The following BLNK variants were observed in gnomAD, a reference collection of about 807,000 sequenced individuals.
BLNK encodes B-cell linker protein.
BLNK carries 29 observed loss-of-function variants against 73.5 expected under a neutral mutation model. The ratio of observed to expected loss-of-function variants is 0.39; its 90% CI spans 0.29 to 0.54. The LOEUF is 0.54. BLNK is among the 20% of genes least tolerant of loss of function. BLNK has a pLI of 0.61. For synonymous variants in BLNK, 176 were observed against 200.8 expected, an observed-to-expected ratio of 0.88 and a Z score of 1.04; for missense variants, 460 against 562.8, an observed-to-expected ratio of 0.82 and a Z score of 1.85.
At chr10:96,215,565 G>A (rs1327260833) in intron 7 of BLNK, among the ~76,000 whole-genome samples, 176 bp from the exon 8 acceptor site, 1 of 152,140 alleles carries the variant, frequency 6.6e-6, no homozygotes, top group Non-Finnish European at 1.5e-5. Flanking sequence ...AGTCTTCTTA[G>A]AAGAAACATC....
In BLNK at chr10:96,190,082, C is replaced by T. The variant is rs1208204461; in HGVS notation, c.*1891G>A. ...TCCTTTGCACCAGCCCCTAAACTGA[C>T]CGTTCTTAAGGATAACTGGTGCTCA... is the stretch of plus-strand genomic sequence containing the variant. On this transcript the variant is annotated 3_prime_UTR_variant, in exon 17 of 17. Coordinates refer to ENST00000224337, the MANE Select transcript of BLNK (RefSeq NM_013314.4). The T allele has an allele frequency of 1.8e-5, 16 of 869,062 alleles. No homozygotes were observed. The East Asian group carries it at 3.6e-4, about 20-fold the overall frequency. 53.8% of individuals were successfully genotyped at this position (869,062 alleles called of 1,614,324 possible). A position where few individuals can be genotyped will look rare whatever the true frequency, so the allele number is the denominator to read the frequency against.
intron 1 of BLNK, among the ~76,000 whole-genome samples, chr10:96,247,352 G>A (rs1554907898): frequency 1.3e-5 from 2 of 152,142 alleles, no homozygotes; most frequent in African/African-American, 2.4e-5. Flanking sequence ...GAGCATCTAC[G>A]TTACGAAGAT....
At chr10:96,229,002 A>G (rs1842388671) in intron 4 of BLNK, among the ~76,000 whole-genome samples, 1 of 152,184 alleles carries the variant, frequency 6.6e-6, no homozygotes, top group African/African-American at 2.4e-5. Context: ...GATATTTTGA[A>G]ACAGGCATAC....
intron 8 of BLNK, among the ~76,000 whole-genome samples, chr10:96,212,959 G>A (rs1564822645): frequency 6.6e-6 from 1 of 152,156 alleles, no homozygotes. Context: ...CCACCTGTAT[G>A]TGATAATCAC....
intron 1 of BLNK, among the ~76,000 whole-genome samples, chr10:96,247,570 T>G (rs7919557): frequency 0.88 from 133,935 of 152,182 alleles, 59,746 homozygotes; most frequent in Non-Finnish European, 0.94. Flanking sequence ...GGGTCTGGAG[T>G]CAGGGAACCT....
At chr10:96,260,848 CTTT>C (rs112579082) in intron 1 of BLNK, among the ~76,000 whole-genome samples, 2 of 145,526 alleles carry the variant, frequency 1.4e-5, no homozygotes, top group Non-Finnish European at 1.5e-5. Context: ...GAAGCAATAT[CTTT>C]TTTTTTTTTT....
intron 3 of BLNK, among the ~76,000 whole-genome samples, chr10:96,238,146 C>T (rs1214090212): frequency 6.6e-6 from 1 of 152,238 alleles, no homozygotes; most frequent in African/African-American, 2.4e-5. Flanking sequence ...AGGCTCCACA[C>T]TGGCCTGACC....
intron 1 of BLNK, among the ~76,000 whole-genome samples, chr10:96,257,903 G>A (rs996869359): frequency 2.0e-5 from 3 of 152,190 alleles, no homozygotes; most frequent in Non-Finnish European, 2.9e-5. Context: ...TAGGCAGACC[G>A]GAGAATTCTC....
At chr10:96,204,164 A>G (rs1554896879) in intron 12 of BLNK, 76 bp from the exon 13 acceptor site, 1 of 1,467,818 alleles carries the variant, frequency 6.8e-7, no homozygotes, top group Non-Finnish European at 9.5e-7. Flanking sequence ...TACACTGATG[A>G]TGCTGTGAAC....
intron 10 of BLNK, among the ~76,000 whole-genome samples, chr10:96,207,267 C>T (rs2083839822): frequency 6.6e-6 from 1 of 152,212 alleles, no homozygotes; most frequent in South Asian, 2.1e-4. Context: ...GGAGCAATGT[C>T]ACTGTGGTGG....
intron 1 of BLNK, among the ~76,000 whole-genome samples, chr10:96,268,325 T>A (rs192134284): frequency 1.3e-5 from 2 of 152,278 alleles, no homozygotes; most frequent in Admixed American, 1.3e-4. Context: ...CCTAGAAAGG[T>A]GAAATTTTTA....
intron 6 of BLNK, among the ~76,000 whole-genome samples, chr10:96,220,559 A>G (rs933400278): frequency 1.8e-4 from 28 of 152,356 alleles, no homozygotes; most frequent in African/African-American, 6.7e-4. Context: ...ACCAAGAACC[A>G]TCACATTTTA....
intron 1 of BLNK, among the ~76,000 whole-genome samples, chr10:96,264,018 A>G (rs782193683): frequency 2.0e-5 from 3 of 152,198 alleles, no homozygotes; most frequent in Non-Finnish European, 4.4e-5. Flanking sequence ...CCCCATCAGC[A>G]GGTGAGGCCC....
chr10:96,211,837 T>TA (rs1554898746), intron 8 of BLNK, among the ~76,000 whole-genome samples: 1 of 152,242 alleles, frequency 6.6e-6, no homozygotes, highest in African/African-American at 2.4e-5. Flanking sequence ...TCAAATTGAA[T>TA]ACTTAAGACT....
intron 6 of BLNK, among the ~76,000 whole-genome samples, chr10:96,221,522 G>A (rs1005921453): frequency 2.0e-5 from 3 of 151,900 alleles, no homozygotes; most frequent in African/African-American, 7.3e-5. Context: ...GAACGCCCCC[G>A]CCTTCATACT....
chr10:96,233,266 G>C (rs1842572796), intron 3 of BLNK, among the ~76,000 whole-genome samples: 2 of 152,192 alleles, frequency 1.3e-5, no homozygotes, highest in Admixed American at 1.3e-4. Flanking sequence ...CTTTCTCAGT[G>C]AGTGGGGGCC....
At chr10:96,234,393 A>C (rs1358047245) in intron 3 of BLNK, among the ~76,000 whole-genome samples, 2 of 152,224 alleles carry the variant, frequency 1.3e-5, no homozygotes, top group African/African-American at 4.8e-5. Flanking sequence ...ACTAAAAAGC[A>C]TGGGAGTCCG....
At chr10:96,252,391 C>T (rs782198264) in intron 1 of BLNK, among the ~76,000 whole-genome samples, 2 of 152,176 alleles carry the variant, frequency 1.3e-5, no homozygotes, top group Non-Finnish European at 2.9e-5. Context: ...CTGATGCTAC[C>T]AGTTGGGAGA....
intron 7 of BLNK, 67 bp downstream of exon 7, chr10:96,216,586 C>T: frequency 7.2e-7 from 1 of 1,385,930 alleles, no homozygotes; most frequent in East Asian, 2.3e-5. Flanking sequence ...TGCTTACTAC[C>T]AAATACTCTT....
Sources: gnomAD v4.1 joint callset for allele counts (sites outside exome capture counted in the v4.1 genomes callset) on GRCh38, gnomAD v4.1.1 for gene constraint, MANE v1.5 for transcripts, NCBI Gene and HGNC (gene_info 2026-07-23, HGNC 2026-07-21) for gene names.